Variants in GIGYF1 observed in about 807,000 individuals in gnomAD.
The protein encoded by GIGYF1 is GRB10-interacting GYF protein 1.
In GIGYF1, 84 loss-of-function variants were observed where a neutral mutation model predicts 147.1. That is an observed-to-expected ratio of 0.57 (90% CI 0.48 to 0.68). GIGYF1 has a LOEUF of 0.68. Among genes scored for constraint, GIGYF1 ranks in the 30% least tolerant of loss-of-function variants. The pLI, the probability that GIGYF1 is intolerant of heterozygous loss-of-function variation, is 0.00. For missense variants in GIGYF1, 1,485 were observed against 1,393.7 expected, an observed-to-expected ratio of 1.07 and a Z score of -1.04; for synonymous variants, 752 against 589.5, an observed-to-expected ratio of 1.28 and a Z score of -3.99.
At position 100,683,420 on chromosome 7, in the gene GIGYF1, G is replaced by A. The variant is rs1336617258; in HGVS notation, c.2077C>T (p.Leu693Phe). ...TCCTCTTCCTCCCGCTTCGCCCTGA[G>A]CTCCACTTCTCTGCGCTCCTGGAAC... The part of the protein sequence containing the change: ...HKFQERREVE[L>F]RAKREEEERK... The change falls in exon 21 of 27, where the codon CTC becomes TTC. Residue 693 changes from leucine to phenylalanine, a missense_variant. Leu to Phe is a conservative substitution (Grantham distance 22). Coordinates refer to ENST00000678049, the MANE Select transcript of GIGYF1 (RefSeq NM_001375765.1). The A allele has an allele frequency of 2.5e-6, 4 of 1,613,870 alleles. No individual in the cohort carries two copies. Among genetic ancestry groups the A allele is most frequent in the Non-Finnish European group, 3.4e-6 (4 of 1,180,034 alleles).
In GIGYF1 at chr7:100,685,584, T is replaced by C. The variant is rs1805245470; in HGVS notation, c.1055-103A>G. The C allele has an allele frequency of 2.3e-6, 3 of 1,298,404 alleles. No individual in the cohort carries two copies. In the Admixed American group the frequency reaches 7.4e-5, roughly 32 times the overall value. The allele number at this position is 1,298,404 out of a possible 1,614,324, so 80.4% of individuals were successfully genotyped here. ...GCTGGAACCGCGGGTCACACTCCCT[T>C]AGGCCGAGTCCACCACTTCACTTGG... On this transcript the variant is annotated intron_variant, in intron 12 of 26. Transcript: ENST00000678049.
chr7:100,693,911 G>A (rs1448472643), intron 1 of GIGYF1, 199 bp downstream of exon 1: 3 of 151,442 alleles, frequency 2.0e-5, no homozygotes, highest in African/African-American at 4.8e-5. Flanking sequence ...ATGGGCCGGA[G>A]CGGGCGGGAG....
In GIGYF1 at chr7:100,683,642, G is replaced by GC. The variant is rs769468291; in HGVS notation, c.1970-11dup. The stretch of plus-strand genomic sequence containing the variant: ...AGACTGGCCTCACCACCTGCAGGGG[G>GC]CAGGGGGGCAGAGGCGGCTGCAGGT... On this transcript the variant is annotated splice_polypyrimidine_tract_variant and intron_variant, in intron 19 of 26. Coordinates refer to ENST00000678049, the MANE Select transcript of GIGYF1 (RefSeq NM_001375765.1). 1 of 1,613,130 alleles carries GC rather than the reference G, an allele frequency of 6.2e-7. No homozygotes were observed. The highest frequency in any genetic ancestry group is 1.3e-5 in the African/African-American group (1 of 75,054).
Position 100,682,792 on chromosome 7 carries a change from A to G in GIGYF1, c.2413-15T>C. On this transcript the variant is annotated splice_polypyrimidine_tract_variant and intron_variant, in intron 22 of 26. Coordinates refer to ENST00000678049, the MANE Select transcript of GIGYF1 (RefSeq NM_001375765.1). ...CCCCCAAGCTGCTACAGATGGCAGA[A>G]GATCAGAGTGGCTCAAACAAAGGCA... is the stretch of plus-strand genomic sequence containing the variant. The G allele has an allele frequency of 1.3e-6, 2 of 1,516,320 alleles. No homozygotes were observed. Among genetic ancestry groups the G allele is most frequent in the Non-Finnish European group, 1.8e-6 (2 of 1,134,148 alleles). 93.9% of individuals were successfully genotyped at this position (1,516,320 alleles called of 1,614,324 possible). A position where few individuals can be genotyped will look rare whatever the true frequency, so the allele number is the denominator to read the frequency against.
At position 100,684,901 on chromosome 7, in the gene GIGYF1, G is replaced by T; in HGVS notation, c.1291-7C>A. On this transcript the variant is annotated splice_polypyrimidine_tract_variant and splice_region_variant and intron_variant, in intron 14 of 26. Coordinates refer to ENST00000678049, the MANE Select transcript of GIGYF1 (RefSeq NM_001375765.1). ...CCACCAGCTTCTCCGCCTCCTGGAT[G>T]CCCAGAAAAAGAAGAAAGGCTCAGC... The T allele has an allele frequency of 6.2e-7, 1 of 1,605,780 alleles. No homozygotes were observed.
In GIGYF1 at chr7:100,691,132, G is replaced by A. The variant is rs979641907; in HGVS notation, c.-1098-1577C>T. Among the ~76,000 whole-genome samples, 5 of 152,334 alleles carry A rather than the reference G, an allele frequency of 3.3e-5. No individual in the cohort carries two copies. The East Asian group carries it at 9.6e-4, about 29-fold the overall frequency. ...TAAAGGAACTAGTGGCACACCTGCA[G>A]GCCACCATGGGGCTCCCACCCTCCA... On this transcript the variant is annotated intron_variant, in intron 1 of 26. Coordinates refer to ENST00000678049, the MANE Select transcript of GIGYF1 (RefSeq NM_001375765.1).
At chr7:100,691,506 A>ATTTTTTTTTT (rs373899398) in intron 1 of GIGYF1, among the ~76,000 whole-genome samples, 5 of 147,620 alleles carry the variant, frequency 3.4e-5, no homozygotes, top group African/African-American at 1.3e-4. Context: ...AAAAGAATAG[A>ATTTTTTTTTT]TTTTTTTTTT....
chr7:100,684,981 G>C, intron 14 of GIGYF1, 68 bp downstream of exon 14: 1 of 1,548,662 alleles, frequency 6.5e-7, no homozygotes, highest in East Asian at 2.3e-5. Flanking sequence ...AGCTGGGGCC[G>C]GGGCTGGGGC....
At position 100,687,297 on chromosome 7, in the gene GIGYF1, C is replaced by T. The variant is rs754290901; in HGVS notation, c.482+1G>A. 1.2e-6 allele frequency: 2 copies of T among 1,612,044 alleles called. No individual in the cohort carries two copies. Among genetic ancestry groups the T allele is most frequent in the Non-Finnish European group, 8.5e-7 (1 of 1,179,306 alleles). The stretch of plus-strand genomic sequence containing the variant: ...TGCGCCATGCCCCCTCCCCGCCCCA[C>T]CTGTCATCCCAGCTCTGGCTGCGCT... On this transcript the variant is annotated splice_donor_variant, in intron 8 of 26. Coordinates refer to ENST00000678049, the MANE Select transcript of GIGYF1 (RefSeq NM_001375765.1). LOFTEE classifies it high-confidence loss of function.
In GIGYF1 at chr7:100,683,909, G is replaced by A. The variant is rs1214506673; in HGVS notation, c.1878C>T (p.Asp626=). Residue 626 remains aspartate (D), a synonymous_variant, in exon 19 of 27, where the codon GAC becomes GAT. Coordinates refer to ENST00000678049, the MANE Select transcript of GIGYF1 (RefSeq NM_001375765.1). ...LQALKPPRGG[D]QNLLPTMSRS... is the part of the protein sequence containing the mutation. ...GGCTCATCGTCGGGAGCAGGTTCTG[G>A]TCCCCGCCTCTGAGGAGCAAATTGT... The A allele has an allele frequency of 2.6e-6, 4 of 1,554,252 alleles. No homozygotes were observed. The East Asian group carries it at 9.7e-5, about 38-fold the overall frequency.
chr7:100,683,485 C>G (rs778521639), intron 20 of GIGYF1, 41 bp from the exon 21 acceptor site: 27 of 1,614,078 alleles, frequency 1.7e-5, no homozygotes, highest in Non-Finnish European at 2.2e-5. Context: ...CTGCAGGGGA[C>G]AGCCTGGGGC....
chr7:100,685,592 G>T, intron 12 of GIGYF1, 111 bp from the exon 13 acceptor site: 1 of 1,208,554 alleles, frequency 8.3e-7, no homozygotes, highest in Non-Finnish European at 1.2e-6. Context: ...CTTAGGCCGA[G>T]TCCACCACTT....
rs775939980 is a variant in GIGYF1, at chr7:100,684,132, G to C, written c.1756C>G (p.Arg586Gly). The change falls in exon 18 of 27, where the codon CGA (arginine) becomes GGA (glycine). Residue 586 changes from arginine to glycine, a missense_variant. By Grantham distance (125) the Arg-to-Gly change is moderately radical. Transcript: ENST00000678049. ...SSRQLPQCAL[R>G]EKAALGDLTP... ...AGGTCCCCCAGAGCTGCCTTTTCTC[G>C]GAGCGCGCACTGTGGGAGCTGGCGG... 3.7e-6 allele frequency: 6 copies of C among 1,608,830 alleles called. No individual in the cohort carries two copies. The highest frequency in any genetic ancestry group is 2.2e-5 in the East Asian group (1 of 44,860).
At chr7:100,687,468 ATC>A (rs771320733) in intron 7 of GIGYF1, 35 bp downstream of exon 7, 1 of 1,606,064 alleles carries the variant, frequency 6.2e-7, no homozygotes, top group Admixed American at 1.7e-5. Context: ...AGGGGCCCAG[ATC>A]TGCCCGTCCC....
chr7:100,681,615 G>T lies in GIGYF1; in HGVS notation c.*104C>A. 1.8e-6 allele frequency: 2 copies of T among 1,102,836 alleles called. No individual in the cohort carries two copies. Among genetic ancestry groups the T allele is most frequent in the Non-Finnish European group, 2.5e-6 (2 of 794,654 alleles). 68.3% of individuals were successfully genotyped at this position (1,102,836 alleles called of 1,614,324 possible). The stretch of plus-strand genomic sequence containing the variant: ...AACAAGTGCTGGGGACCCCGCCCCT[G>T]CCTCTTCCTGTGCTCTCTGCGGGGA... On this transcript the variant is annotated 3_prime_UTR_variant, in exon 27 of 27. Coordinates refer to ENST00000678049, the MANE Select transcript of GIGYF1 (RefSeq NM_001375765.1).
intron 18 of GIGYF1, 29 bp downstream of exon 18, chr7:100,683,991 T>C: frequency 2.1e-6 from 2 of 932,260 alleles, no homozygotes; most frequent in East Asian, 4.1e-5. Flanking sequence ...CCCCACCCTG[T>C]ATCCTGAGGG....
In GIGYF1 at chr7:100,684,132, G is replaced by A. The variant is rs775939980; in HGVS notation, c.1756C>T (p.Arg586Ter). Residue 586 changes from arginine (R) to a stop codon, truncating the protein, a stop_gained, in exon 18 of 27, where the codon CGA (arginine) becomes TGA (stop). Transcript: ENST00000678049. LOFTEE classifies it high-confidence loss of function. ...AGGTCCCCCAGAGCTGCCTTTTCTC[G>A]GAGCGCGCACTGTGGGAGCTGGCGG... ...SSRQLPQCALREKAALGDLTP... is the reference protein window; with the variant it reads ...SSRQLPQCAL 1.9e-6 allele frequency: 3 copies of A among 1,608,830 alleles called. No homozygotes were observed. The highest frequency in any genetic ancestry group is 1.7e-6 in the Non-Finnish European group (2 of 1,179,740).
chr7:100,685,267 G>T, intron 13 of GIGYF1, 77 bp downstream of exon 13: 1 of 1,534,372 alleles, frequency 6.5e-7, no homozygotes, highest in Non-Finnish European at 8.8e-7. Flanking sequence ...TGCCCTGTGT[G>T]CCCACCCCCA....
rs753980145 is a variant in GIGYF1, at chr7:100,681,717, G to T, written c.*2C>A. ...AGCCCAGGGGCTGGGGGTCCGGGCT[G>T]GTCAGTAGTCATCCACGCTCTCGAT... On this transcript the variant is annotated 3_prime_UTR_variant, in exon 27 of 27. Transcript: ENST00000678049. 2.1e-5 allele frequency: 33 copies of T among 1,564,020 alleles called. 1 individual carries two copies. The South Asian group carries it at 4.0e-4, about 19-fold the overall frequency.
Sources: allele counts gnomAD v4.1 joint callset (sites outside exome capture counted in the v4.1 genomes callset), GRCh38; gene constraint gnomAD v4.1.1; transcripts MANE v1.5; gene names NCBI Gene and HGNC (gene_info 2026-07-23, HGNC 2026-07-21).